The following SLC9A2 variants were observed in gnomAD, a reference collection of about 807,000 sequenced individuals.
The protein encoded by SLC9A2 is solute carrier family 9 member A2, also known as sodium/hydrogen exchanger 2.
SLC9A2 carries 42 observed loss-of-function variants against 71.7 expected under a neutral mutation model. The observed-to-expected ratio is 0.59, with a 90% CI of 0.46 to 0.76. The LOEUF is 0.76. SLC9A2 is among the 30% of genes least tolerant of loss of function. The pLI is 0.00. For synonymous variants in SLC9A2, 396 were observed against 392.5 expected, an observed-to-expected ratio of 1.01 and a Z score of -0.10; for missense variants, 829 against 1,017.4, an observed-to-expected ratio of 0.81 and a Z score of 2.52.
chr2:102,678,061 C>T (rs1677375531), intron 3 of SLC9A2, among the ~76,000 whole-genome samples: 1 of 152,114 alleles, frequency 6.6e-6, no homozygotes, highest in African/African-American at 2.4e-5. Context: ...GCTCAAATGT[C>T]CTCTTTTGTG....
chr2:102,644,163 G>T (rs1404820318), intron 1 of SLC9A2, among the ~76,000 whole-genome samples: 1 of 151,908 alleles, frequency 6.6e-6, no homozygotes, highest in Non-Finnish European at 1.5e-5. Context: ...TTAGACAGTG[G>T]GTGCAGCCCA....
At chr2:102,674,895 G>T (rs753036319) in intron 3 of SLC9A2, among the ~76,000 whole-genome samples, 1 of 152,120 alleles carries the variant, frequency 6.6e-6, no homozygotes, top group Non-Finnish European at 1.5e-5. Context: ...TGAAACCAGG[G>T]TCACAGAGAA....
chr2:102,664,952 C>T (rs902050986), intron 2 of SLC9A2, 148 bp from the exon 3 acceptor site: 39 of 815,416 alleles, frequency 4.8e-5, no homozygotes, highest in Non-Finnish European at 6.8e-5. Flanking sequence ...AAATATGAGA[C>T]AAATGAATAC....
At chr2:102,675,764 C>T (rs1363140135) in intron 3 of SLC9A2, among the ~76,000 whole-genome samples, 1 of 152,174 alleles carries the variant, frequency 6.6e-6, no homozygotes, top group Admixed American at 6.5e-5. Flanking sequence ...CACATTACTC[C>T]TCAAATCCCA....
intron 3 of SLC9A2, among the ~76,000 whole-genome samples, chr2:102,672,862 G>A (rs1051383337): frequency 3.3e-5 from 5 of 151,902 alleles, no homozygotes; most frequent in African/African-American, 1.2e-4. Context: ...ATATTTTCTT[G>A]CCTCATCTTC....
chr2:102,676,919 C>G (rs573322098), intron 3 of SLC9A2, among the ~76,000 whole-genome samples: 6 of 152,322 alleles, frequency 3.9e-5, no homozygotes, highest in Non-Finnish European at 7.4e-5. Flanking sequence ...TTGGGTGATA[C>G]TTTCCTGCAA....
chr2:102,670,178 A>AT (rs397709089), intron 3 of SLC9A2, among the ~76,000 whole-genome samples: 91,578 of 145,624 alleles, frequency 0.63, 28,700 homozygotes, highest in East Asian at 0.82. Flanking sequence ...CTACCCAGCT[A>AT]TTTTTTTTTT....
At chr2:102,702,948 T>A (rs1390284396) in intron 9 of SLC9A2, among the ~76,000 whole-genome samples, 1 of 152,100 alleles carries the variant, frequency 6.6e-6, no homozygotes, top group Non-Finnish European at 1.5e-5. Flanking sequence ...AGCTACAGAG[T>A]AGAGAGTGTC....
chr2:102,641,696 AC>A (rs1676584709), intron 1 of SLC9A2, among the ~76,000 whole-genome samples: 1 of 151,100 alleles, frequency 6.6e-6, no homozygotes, highest in Admixed American at 6.6e-5. Flanking sequence ...TAAACTGTAA[AC>A]TCCATGAGGA....
chr2:102,645,420 A>G (rs1160876283), intron 1 of SLC9A2, among the ~76,000 whole-genome samples: 1 of 152,122 alleles, frequency 6.6e-6, no homozygotes, highest in Non-Finnish European at 1.5e-5. Flanking sequence ...ACTCCTCTCC[A>G]GCAAGGGCAC....
intron 2 of SLC9A2, among the ~76,000 whole-genome samples, chr2:102,663,659 A>G (rs1307506707): frequency 1.3e-5 from 2 of 152,178 alleles, no homozygotes; most frequent in Non-Finnish European, 2.9e-5. Context: ...TTGACCTTGA[A>G]CAAATGGGAT....
chr2:102,660,149 T>C (rs549211927), intron 2 of SLC9A2, among the ~76,000 whole-genome samples: 1 of 152,270 alleles, frequency 6.6e-6, no homozygotes, highest in Admixed American at 6.5e-5. Flanking sequence ...CACCCTGTGC[T>C]TCCTCTCAGG....
intron 7 of SLC9A2, among the ~76,000 whole-genome samples, chr2:102,695,771 A>T (rs13401794): frequency 0.027 from 715 of 26,746 alleles, 19 homozygotes; most frequent in Non-Finnish European, 0.049. Context: ...TATATATATA[A>T]TATATATTAT....
intron 11 of SLC9A2, 30 bp from the exon 12 acceptor site, chr2:102,708,089 T>C (rs544265891): frequency 3.1e-6 from 5 of 1,588,558 alleles, no homozygotes; most frequent in African/African-American, 2.7e-5. Context: ...TCTAAAATGC[T>C]TGCCCACCTT....
chr2:102,632,061 C>CACACACATATATAT (rs1676371783), intron 1 of SLC9A2, among the ~76,000 whole-genome samples: 3 of 69,094 alleles, frequency 4.3e-5, no homozygotes, highest in Non-Finnish European at 8.6e-5. Flanking sequence ...CATATATATA[C>CACACACATATATAT]ACACACATAT....
intron 7 of SLC9A2, among the ~76,000 whole-genome samples, chr2:102,696,034 T>G (rs938765487): frequency 6.6e-6 from 1 of 151,712 alleles, no homozygotes; most frequent in East Asian, 1.9e-4. Context: ...AACAGCATTA[T>G]GGGTCAAGAA....
chr2:102,695,777 A>ATATATTTTATATAT (rs1677745582), intron 7 of SLC9A2, among the ~76,000 whole-genome samples: 1 of 26,358 alleles, frequency 3.8e-5, no homozygotes, highest in Non-Finnish European at 8.4e-5. Flanking sequence ...TATAATATAT[A>ATATATTTTATATAT]TTATATATAT....
chr2:102,688,820 A>G (rs1012001720), intron 5 of SLC9A2, among the ~76,000 whole-genome samples: 2 of 152,250 alleles, frequency 1.3e-5, no homozygotes, highest in Non-Finnish European at 2.9e-5. Context: ...GGAAGGAAAA[A>G]TGATTAGAAT....
chr2:102,681,904 G>A (rs78062745), intron 3 of SLC9A2, among the ~76,000 whole-genome samples: 5,428 of 152,262 alleles, frequency 0.036, 156 homozygotes, highest in East Asian at 0.076. Flanking sequence ...GACCTGTTTA[G>A]GTTTTAGAGG....
Sources: allele counts gnomAD v4.1 joint callset (sites outside exome capture counted in the v4.1 genomes callset), GRCh38; gene constraint gnomAD v4.1.1; transcripts MANE v1.5; gene names NCBI Gene and HGNC (gene_info 2026-07-23, HGNC 2026-07-21).